TRAP1: variants seen among roughly 807,000 people sequenced by gnomAD.
The protein encoded by TRAP1 is TNF receptor associated protein 1, also known as heat shock protein 75 kDa, mitochondrial.
TRAP1 carries 102 observed loss-of-function variants against 89.1 expected under a neutral mutation model. The observed-to-expected ratio is 1.15, with a 90% CI of 0.98 to 1.35. The LOEUF is 1.35. TRAP1 is among the 40% of genes most tolerant of loss of function. TRAP1 has a pLI of 0.00. For synonymous variants in TRAP1, 508 were observed against 388.0 expected (o/e 1.31, Z -3.64); for missense variants, 1,256 against 945.3 (o/e 1.33, Z -4.31).
chr16:3,704,638 AGCTCAGGAGCTCGAG>A (rs138784060), intron 1 of TRAP1, among the ~76,000 whole-genome samples: 149 of 152,282 alleles, frequency 9.8e-4, no homozygotes, highest in African/African-American at 3.5e-3. Flanking sequence ...GGCTCCCTCG[AGCTCAGGAGCTCGAG>A]GCCAGCCTAG....
At chr16:3,686,158 G>A (rs1567235622) in intron 3 of TRAP1, 22 bp from the exon 4 acceptor site, 4 of 1,611,840 alleles carry the variant, frequency 2.5e-6, no homozygotes, top group East Asian at 2.2e-5. Context: ...GAAATGGGAG[G>A]CACAGACAAT....
chr16:3,661,957 A>G, intron 16 of TRAP1, 30 bp downstream of exon 16: 2 of 1,564,718 alleles, frequency 1.3e-6, no homozygotes, highest in African/African-American at 2.7e-5. Context: ...GGAATCCCAC[A>G]GGCTGGAAGA....
At chr16:3,688,966 A>G (rs1567236857) in intron 3 of TRAP1, 89 bp downstream of exon 3, 13 of 1,218,238 alleles carry the variant, frequency 1.1e-5, no homozygotes, top group Non-Finnish European at 1.5e-5. Context: ...CAGCTAATAT[A>G]TTATCTGGCA....
intron 1 of TRAP1, among the ~76,000 whole-genome samples, chr16:3,697,580 C>T (rs939654771): frequency 1.3e-5 from 2 of 149,268 alleles, no homozygotes; most frequent in Non-Finnish European, 3.0e-5. Flanking sequence ...AGGAGAATGG[C>T]ATGAACCCGG....
intron 17 of TRAP1, 113 bp from the exon 18 acceptor site, chr16:3,658,343 C>T (rs1253577730): frequency 2.2e-5 from 18 of 823,590 alleles, no homozygotes; most frequent in Middle Eastern, 2.4e-4. Flanking sequence ...GGCACGATCT[C>T]GGCTCACTGC....
chr16:3,661,819 T>A (rs1343652288), intron 16 of TRAP1, 168 bp downstream of exon 16: 1 of 841,774 alleles, frequency 1.2e-6, no homozygotes, highest in Non-Finnish European at 1.7e-6. Flanking sequence ...CTGGCCAGGT[T>A]CCATTTCACA....
rs560872200 is a variant in TRAP1 at position 3,688,301 on chromosome 16, C to A, written c.330+754G>T. Among the ~76,000 whole-genome samples, 3 of 152,036 alleles carry A rather than the reference C, an allele frequency of 2.0e-5. No individual in the cohort carries two copies. In the South Asian group the frequency reaches 6.2e-4, roughly 32 times the overall value. ...CAGGTGTGGGTCACCGCACCTGGCC[C>A]CAAATGCGTTTTAATTTCCTCAGTA... On this transcript the variant is annotated intron_variant, in intron 3 of 17. Coordinates refer to ENST00000246957, the MANE Select transcript of TRAP1 (RefSeq NM_016292.3).
intron 11 of TRAP1, among the ~76,000 whole-genome samples, chr16:3,669,814 C>A (rs1029970680): frequency 3.3e-5 from 4 of 120,308 alleles, no homozygotes; most frequent in African/African-American, 1.2e-4. Flanking sequence ...GCCTGGGCAA[C>A]AGACCAAGAC....
At chr16:3,712,283 C>T (rs532418245) in intron 1 of TRAP1, among the ~76,000 whole-genome samples, 108 of 27,290 alleles carry the variant, frequency 4.0e-3, no homozygotes, top group African/African-American at 0.016. Flanking sequence ...AAGAATCTGT[C>T]TCAAAAAAAA....
chr16:3,658,355 A>T, intron 17 of TRAP1, 125 bp from the exon 18 acceptor site: 1 of 738,980 alleles, frequency 1.4e-6, no homozygotes, highest in East Asian at 2.7e-5. Flanking sequence ...GCTCACTGCA[A>T]CCTCAGGTGA....
chr16:3,675,392 C>T lies in TRAP1; in HGVS notation c.820G>A (p.Val274Ile), dbSNP rs200933136. 4.3e-6 allele frequency: 7 copies of T among 1,614,042 alleles called. No individual in the cohort carries two copies. The highest frequency in any genetic ancestry group is 5.9e-6 in the Non-Finnish European group (7 of 1,179,940). The part of the protein sequence containing the change: ...FSSEARVRDV[V>I]TKYSNFVSFP... ...CTGACGAAGTTGCTGTACTTCGTTA[C>T]CACATCTGGAAGGGACAAAAGAAAA... is the stretch of plus-strand genomic sequence containing the variant. The change falls in exon 8 of 18, where the codon GTA (valine) becomes ATA (isoleucine). Residue 274 changes from valine (V) to isoleucine (I), a missense_variant. By Grantham distance (29) the Val-to-Ile change is conservative (BLOSUM62 3). Coordinates refer to ENST00000246957, the MANE Select transcript of TRAP1 (RefSeq NM_016292.3).
intron 12 of TRAP1, 90 bp from the exon 13 acceptor site, chr16:3,664,549 G>A: frequency 7.3e-7 from 1 of 1,371,988 alleles, no homozygotes; most frequent in South Asian, 1.3e-5. Flanking sequence ...CGATGCCCAT[G>A]GCCTCCTGGC....
chr16:3,689,936 G>A (rs1013220746), intron 2 of TRAP1: 7 of 152,220 alleles, frequency 4.6e-5, no homozygotes, highest in African/African-American at 1.7e-4. Flanking sequence ...CTATGTCGAG[G>A]GAATGCTGAG....
chr16:3,712,466 C>A (rs1417891670), intron 1 of TRAP1, among the ~76,000 whole-genome samples: 1 of 151,996 alleles, frequency 6.6e-6, no homozygotes, highest in Non-Finnish European at 1.5e-5. Flanking sequence ...CAACCTGACA[C>A]CCCCATCCCC....
intron 16 of TRAP1, chr16:3,660,266 G>C (rs2042994769): frequency 6.6e-6 from 1 of 152,186 alleles, no homozygotes; most frequent in African/African-American, 2.4e-5. Flanking sequence ...TGGGGACACA[G>C]GTAGGAGGAA....
At chr16:3,706,635 A>T (rs1371567178) in intron 1 of TRAP1, among the ~76,000 whole-genome samples, 8 of 150,660 alleles carry the variant, frequency 5.3e-5, no homozygotes, top group Non-Finnish European at 1.0e-4. Context: ...ATTTTTAAAA[A>T]TTTTTTTTCG....
intron 1 of TRAP1, among the ~76,000 whole-genome samples, chr16:3,692,726 G>A (rs2051232859): frequency 6.7e-6 from 1 of 149,070 alleles, no homozygotes; most frequent in African/African-American, 2.5e-5. Context: ...AGCCTCCCGA[G>A]TAGCTGGGTT....
At chr16:3,717,233 G>A (rs1044480662) in intron 1 of TRAP1, among the ~76,000 whole-genome samples, 188 bp downstream of exon 1, 4 of 152,214 alleles carry the variant, frequency 2.6e-5, no homozygotes, top group Admixed American at 2.0e-4. Flanking sequence ...TCCAGCCGAG[G>A]AAAAGGCAGC....
intron 1 of TRAP1, among the ~76,000 whole-genome samples, chr16:3,691,490 G>C (rs949656532): frequency 1.3e-5 from 2 of 152,186 alleles, no homozygotes; most frequent in South Asian, 2.1e-4. Flanking sequence ...CAAAGAGCTG[G>C]GATGACAGGC....
Sources: gnomAD v4.1 joint callset for allele counts (sites outside exome capture counted in the v4.1 genomes callset) on GRCh38, gnomAD v4.1.1 for gene constraint, MANE v1.5 for transcripts, NCBI Gene and HGNC (gene_info 2026-07-23, HGNC 2026-07-21) for gene names.